Variants in NDUFA9 observed in about 807,000 individuals in gnomAD.
NDUFA9 encodes NADH:ubiquinone oxidoreductase subunit A9.
NDUFA9 carries 23 observed loss-of-function variants against 45.9 expected under a neutral mutation model. The ratio of observed to expected loss-of-function variants is 0.50; its 90% CI spans 0.36 to 0.71. NDUFA9 has a LOEUF of 0.71. NDUFA9 is among the 30% of genes least tolerant of loss of function. NDUFA9 has a pLI of 0.00. For synonymous variants in NDUFA9, 176 were observed against 170.5 expected (o/e 1.03, Z -0.25); for missense variants, 466 against 488.2 (o/e 0.95, Z 0.43).
chr12:4,677,408 A>G (rs1351696565), intron 8 of NDUFA9, among the ~76,000 whole-genome samples: 1 of 152,254 alleles, frequency 6.6e-6, no homozygotes, highest in Non-Finnish European at 1.5e-5. Context: ...TCCTTCTGAA[A>G]AAGGGCTAAT....
At chr12:4,662,481 C>G in intron 5 of NDUFA9, 52 bp from the exon 6 acceptor site, 3 of 1,344,146 alleles carry the variant, frequency 2.2e-6, no homozygotes, top group Middle Eastern at 3.6e-4. Context: ...AGAATGGATG[C>G]TTTATTCACT....
At chr12:4,684,955 A>G (rs1945976131) in intron 9 of NDUFA9, 3 of 595,174 alleles carry the variant, frequency 5.0e-6, no homozygotes, top group Non-Finnish European at 8.9e-6. Context: ...TTGATTAAAT[A>G]CTGGAGTTTT....
At chr12:4,649,821 T>C (rs1945745747) in intron 1 of NDUFA9, among the ~76,000 whole-genome samples, 1 of 152,150 alleles carries the variant, frequency 6.6e-6, no homozygotes, top group South Asian at 2.1e-4. Flanking sequence ...ATGAAGGCTA[T>C]GTTAGAATTT....
chr12:4,663,430 G>A (rs923005822), intron 6 of NDUFA9, among the ~76,000 whole-genome samples: 1 of 152,174 alleles, frequency 6.6e-6, no homozygotes, highest in African/African-American at 2.4e-5. Flanking sequence ...AGGACTTTTG[G>A]AGGAAATTGA....
At chr12:4,668,603 C>A in intron 7 of NDUFA9, 79 bp downstream of exon 7, 1 of 1,290,372 alleles carries the variant, frequency 7.7e-7, no homozygotes, top group Non-Finnish European at 1.1e-6. Context: ...TGGTTTTGTC[C>A]TAATTTAGTA....
In NDUFA9 at chr12:4,687,044, G is replaced by A. The variant is rs3210082; in HGVS notation, c.1070G>A (p.Arg357His). The change falls in exon 11 of 11, where the codon CGC becomes CAC. Residue 357 changes from arginine (R) to histidine (H), a missense_variant. Transcript: ENST00000266544. ...LKAIEVLRRH[R>H]TYRWLSAEIE... ...GCCATTGAGGTGCTGCGGCGTCATC[G>A]CACTTACCGCTGGCTGTCTGCTGAA... 3.1e-6 allele frequency: 5 copies of A among 1,614,152 alleles called. No individual in the cohort carries two copies. In the South Asian group the frequency reaches 4.4e-5, roughly 14 times the overall value.
Position 4,691,375 on chromosome 12 carries a change from C to A in NDUFA9, c.*4267C>A, listed in dbSNP as rs138672136. On this transcript the variant is annotated 3_prime_UTR_variant, in exon 11 of 11. Transcript: ENST00000266544. ...CTGAGAAGGAGGGATTCCTATTTCC[C>A]AAATGCTGGAAACAGGGACTTATAG... 4 of 152,208 alleles carry A rather than the reference C, an allele frequency of 2.6e-5. No homozygotes were observed. Among genetic ancestry groups the A allele is most frequent in the African/African-American group, 9.6e-5 (4 of 41,454 alleles). The allele number at this position is 152,208 out of a possible 1,614,324, so 9.4% of individuals were successfully genotyped here.
chr12:4,659,310 A>G lies in NDUFA9; in HGVS notation c.552+133A>G, dbSNP rs919511839. ...AAAGGTTTTCTGATTCCCTGCATCC[A>G]GAACTAGGGGTGTGTGTGATGTTTT... On this transcript the variant is annotated intron_variant, in intron 5 of 10. Coordinates refer to ENST00000266544, the MANE Select transcript of NDUFA9 (RefSeq NM_005002.5). 9.1e-6 allele frequency: 7 copies of G among 768,166 alleles called. No homozygotes were observed. The African/African-American group carries it at 1.2e-4, about 13-fold the overall frequency. 47.6% of individuals were successfully genotyped at this position (768,166 alleles called of 1,614,324 possible).
chr12:4,689,721 A>G lies in NDUFA9; in HGVS notation c.*2613A>G, dbSNP rs1946008577. 3 of 179,496 alleles carry G rather than the reference A, an allele frequency of 1.7e-5. No homozygotes were observed. The highest frequency in any genetic ancestry group is 1.3e-4 in the South Asian group (1 of 7,716). 11.1% of individuals were successfully genotyped at this position (179,496 alleles called of 1,614,324 possible). On this transcript the variant is annotated 3_prime_UTR_variant, in exon 11 of 11. Transcript: ENST00000266544. ...TTCTTTCTACACAGACACAGCAACA[A>G]TGTGATTTCTCTATCTTTTCCCCAC...
At chr12:4,681,368 A>G (rs1217701338) in intron 8 of NDUFA9, among the ~76,000 whole-genome samples, 1 of 151,844 alleles carries the variant, frequency 6.6e-6, no homozygotes, top group African/African-American at 2.4e-5. Flanking sequence ...GAGAATTCTT[A>G]CAAATTATTT....
intron 8 of NDUFA9, among the ~76,000 whole-genome samples, chr12:4,680,461 C>T (rs769576273): frequency 1.3e-5 from 2 of 152,042 alleles, no homozygotes; most frequent in African/African-American, 2.4e-5. Context: ...TGGGAGGATG[C>T]GGGCTTCAAT....
In NDUFA9 at chr12:4,657,775, A is replaced by C. The variant is rs201327321; in HGVS notation, c.346A>C (p.Ile116Leu). ...ATGGGACGCGAGAGATAAAGATTCT[A>C]TCCGACGAGTAGTACAACACAGCAA... ...LEWDARDKDS[I>L]RRVVQHSNVV... Residue 116 changes from isoleucine (I) to leucine (L), a missense_variant, in exon 4 of 11, where the codon ATC (isoleucine) becomes CTC (leucine). Transcript: ENST00000266544. 1 of 1,613,664 alleles carries C rather than the reference A, an allele frequency of 6.2e-7. No individual in the cohort carries two copies. Among genetic ancestry groups the C allele is most frequent in the Non-Finnish European group, 8.5e-7 (1 of 1,179,662 alleles).
chr12:4,649,221 G>A, intron 1 of NDUFA9, 46 bp downstream of exon 1: 1 of 1,572,978 alleles, frequency 6.4e-7, no homozygotes, highest in South Asian at 1.2e-5. Flanking sequence ...ATTCCGAGAC[G>A]GGGATTTAAG....
intron 6 of NDUFA9, among the ~76,000 whole-genome samples, chr12:4,664,096 AAG>A (rs897677554): frequency 4.7e-4 from 72 of 152,222 alleles, no homozygotes; most frequent in African/African-American, 1.7e-3. Flanking sequence ...AGAATAGAAA[AAG>A]AGAGAAAGAG....
chr12:4,684,389 T>TA (rs1350604578), intron 9 of NDUFA9, among the ~76,000 whole-genome samples: 1 of 152,214 alleles, frequency 6.6e-6, no homozygotes, highest in Non-Finnish European at 1.5e-5. Context: ...TGATGGGTGA[T>TA]ACTCAACGCA....
chr12:4,688,961 T>G lies in NDUFA9; in HGVS notation c.*1853T>G, dbSNP rs1946003562. On this transcript the variant is annotated 3_prime_UTR_variant, in exon 11 of 11. Coordinates refer to ENST00000266544, the MANE Select transcript of NDUFA9 (RefSeq NM_005002.5). ...TTAGAATATCTACACTTTCTTTCCT[T>G]TTTTTGATTCTTAAAAAAAAACTTA... 1 of 152,232 alleles carries G rather than the reference T, an allele frequency of 6.6e-6. No homozygotes were observed. The highest frequency in any genetic ancestry group is 1.5e-5 in the Non-Finnish European group (1 of 68,036). 9.4% of individuals were successfully genotyped at this position (152,232 alleles called of 1,614,324 possible).
intron 9 of NDUFA9, chr12:4,685,052 G>T: frequency 1.5e-6 from 1 of 688,036 alleles, no homozygotes; most frequent in Non-Finnish European, 2.7e-6. Flanking sequence ...TGTACCAGCA[G>T]TTACAGCAGC....
intron 9 of NDUFA9, among the ~76,000 whole-genome samples, chr12:4,684,461 C>G (rs1945972050): frequency 6.6e-6 from 1 of 152,068 alleles, no homozygotes; most frequent in South Asian, 2.1e-4. Flanking sequence ...CCTAGTGTTC[C>G]TCAGATGCTA....
intron 6 of NDUFA9, among the ~76,000 whole-genome samples, chr12:4,665,552 C>A (rs562259114): frequency 6.6e-6 from 1 of 152,210 alleles, no homozygotes; most frequent in South Asian, 2.1e-4. Flanking sequence ...CATGGATGTA[C>A]GAAATATCCC....
Sources: gnomAD v4.1 joint callset for allele counts (sites outside exome capture counted in the v4.1 genomes callset) on GRCh38, gnomAD v4.1.1 for gene constraint, MANE v1.5 for transcripts, NCBI Gene and HGNC (gene_info 2026-07-23, HGNC 2026-07-21) for gene names.